The following ARHGEF10L variants were observed in gnomAD, a reference collection of about 807,000 sequenced individuals.
ARHGEF10L encodes Rho guanine nucleotide exchange factor 10 like.
Under a neutral mutation model 141.2 loss-of-function variants are expected in ARHGEF10L, and 69 were observed. That is an observed-to-expected ratio of 0.49 (90% confidence interval 0.40 to 0.60). The LOEUF is 0.60. ARHGEF10L is among the 20% of genes least tolerant of loss of function. The pLI is 0.00. For synonymous variants in ARHGEF10L, 711 were observed against 718.5 expected, an observed-to-expected ratio of 0.99 and a Z score of 0.17; for missense variants, 1,482 against 1,734.3, an observed-to-expected ratio of 0.85 and a Z score of 2.58.
chr1:17,588,532 G>C, intron 4 of ARHGEF10L, 53 bp downstream of exon 4: 1 of 1,611,006 alleles, frequency 6.2e-7, no homozygotes, highest in Non-Finnish European at 8.5e-7. Flanking sequence ...GAGACACCGG[G>C]CAGTGGGTGG....
chr1:17,686,902 C>T (rs1293398213), intron 26 of ARHGEF10L, among the ~76,000 whole-genome samples: 1 of 151,602 alleles, frequency 6.6e-6, no homozygotes, highest in East Asian at 1.9e-4. Context: ...CTCGTCCACA[C>T]TCCACATCTC....
At chr1:17,687,960 G>A (rs573209422) in intron 27 of ARHGEF10L, among the ~76,000 whole-genome samples, 26 of 152,312 alleles carry the variant, frequency 1.7e-4, no homozygotes, top group East Asian at 1.4e-3. Context: ...CCCAGCCACC[G>A]CATCACAGCA....
At chr1:17,684,378 A>G (rs1034063388) in intron 26 of ARHGEF10L, among the ~76,000 whole-genome samples, 1 of 152,194 alleles carries the variant, frequency 6.6e-6, no homozygotes, top group Non-Finnish European at 1.5e-5. Flanking sequence ...GCGGAGGGCT[A>G]GAGAGATGGG....
In ARHGEF10L at chr1:17,558,286, C is replaced by T. The variant is rs1196481433; in HGVS notation, c.-44+18336C>T. Among the ~76,000 whole-genome samples, 5 of 152,216 alleles carry T rather than the reference C, an allele frequency of 3.3e-5. No homozygotes were observed. Among genetic ancestry groups the T allele is most frequent in the Admixed American group, 6.5e-5 (1 of 15,280 alleles). ...TCATTCATCTATCCATCCACCCACC[C>T]GCCCATTTATTCACCCACTCATCCA... On this transcript the variant is annotated intron_variant, in intron 1 of 28. Coordinates refer to ENST00000361221, the MANE Select transcript of ARHGEF10L (RefSeq NM_018125.4). This position sits in a 1 kb window ranked among gnomAD's most constrained non-coding sequence, Gnocchi z 4.2.
intron 26 of ARHGEF10L, among the ~76,000 whole-genome samples, chr1:17,685,028 C>T (rs930954371): frequency 7.9e-5 from 12 of 152,166 alleles, no homozygotes; most frequent in Admixed American, 2.0e-4. Context: ...TGGAGACCCC[C>T]GCCCCTCACA....
At position 17,697,725 on chromosome 1, in the gene ARHGEF10L, C is replaced by A; in HGVS notation, c.*345C>A. The A allele has an allele frequency of 4.0e-6, 2 of 506,182 alleles. No individual in the cohort carries two copies. The highest frequency in any genetic ancestry group is 5.3e-5 in the East Asian group (1 of 18,744). 31.4% of individuals were successfully genotyped at this position (506,182 alleles called of 1,614,324 possible). The stretch of plus-strand genomic sequence containing the variant: ...CACGCCCCTCCTGGAAGGGTGTGTG[C>A]GTGTGAGTGTGTGCGAGTGTGTGGG... On this transcript the variant is annotated 3_prime_UTR_variant, in exon 29 of 29. Transcript: ENST00000361221. The surrounding 1 kb of genome is among the most constrained non-coding windows in gnomAD (Gnocchi z 4.8).
chr1:17,524,965 C>T, the ARHGEF10L span, among the ~76,000 whole-genome samples: 1 of 152,204 alleles, frequency 6.6e-6, no homozygotes, highest in South Asian at 2.1e-4. Flanking sequence ...CTCAGGCCTG[C>T]TCCCATTTTT....
chr1:17,681,014 C>T (rs1344746107), intron 26 of ARHGEF10L, among the ~76,000 whole-genome samples: 2 of 152,130 alleles, frequency 1.3e-5, no homozygotes, highest in Non-Finnish European at 2.9e-5. Context: ...CTCAAGTGAT[C>T]CACCCATCTT....
intron 2 of ARHGEF10L, among the ~76,000 whole-genome samples, chr1:17,581,382 G>A (rs949245124): frequency 3.3e-5 from 5 of 151,380 alleles, no homozygotes; most frequent in South Asian, 2.1e-4. Flanking sequence ...ATTATTCGTC[G>A]TTTATCTGAA....
intron 21 of ARHGEF10L, among the ~76,000 whole-genome samples, chr1:17,643,399 C>A (rs1456404424): frequency 1.3e-5 from 2 of 152,098 alleles, no homozygotes; most frequent in East Asian, 1.9e-4. Flanking sequence ...ATCTGGGGAC[C>A]CCGTTCAAAC....
At chr1:17,682,892 G>A (rs1394213615) in intron 26 of ARHGEF10L, among the ~76,000 whole-genome samples, 4 of 152,188 alleles carry the variant, frequency 2.6e-5, no homozygotes, top group Non-Finnish European at 4.4e-5. Context: ...TGGGATTGGG[G>A]TGCTGGGTGA....
intron 1 of ARHGEF10L, among the ~76,000 whole-genome samples, chr1:17,562,951 G>A (rs1477276609): frequency 6.6e-6 from 1 of 152,218 alleles, no homozygotes; most frequent in African/African-American, 2.4e-5. Context: ...ATCTGACCAG[G>A]GCAAGAGGGG....
At chr1:17,686,000 TAA>T in intron 26 of ARHGEF10L, among the ~76,000 whole-genome samples, 1 of 152,294 alleles carries the variant, frequency 6.6e-6, no homozygotes, top group East Asian at 1.9e-4. Context: ...GCTCCTGGAG[TAA>T]GCCTCAGGGT....
chr1:17,574,749 T>G (rs2078150302), intron 1 of ARHGEF10L, among the ~76,000 whole-genome samples: 1 of 152,198 alleles, frequency 6.6e-6, no homozygotes, highest in African/African-American at 2.4e-5. Flanking sequence ...CTCCACCAGG[T>G]GGCCCTTTGC....
chr1:17,665,638 C>T (rs1191076870), intron 26 of ARHGEF10L, among the ~76,000 whole-genome samples: 1 of 152,118 alleles, frequency 6.6e-6, no homozygotes, highest in East Asian at 1.9e-4. Flanking sequence ...CGTGGGAGCA[C>T]GAGGCTTCCA....
intron 4 of ARHGEF10L, among the ~76,000 whole-genome samples, chr1:17,594,466 C>T (rs911488730): frequency 8.5e-5 from 13 of 152,148 alleles, no homozygotes; most frequent in African/African-American, 3.1e-4. Flanking sequence ...GGCTTCTCTG[C>T]CTAACCCTCA....
intron 26 of ARHGEF10L, among the ~76,000 whole-genome samples, chr1:17,669,509 C>T (rs1339702199): frequency 6.6e-6 from 1 of 152,192 alleles, no homozygotes; most frequent in Non-Finnish European, 1.5e-5. Flanking sequence ...TGCCCAAGGT[C>T]ACACAGCTAG....
intron 25 of ARHGEF10L, among the ~76,000 whole-genome samples, chr1:17,657,470 G>T (rs2062340403): frequency 6.6e-6 from 1 of 152,138 alleles, no homozygotes; most frequent in Non-Finnish European, 1.5e-5. Context: ...AGTGTAGCCA[G>T]CCCCCAGTCC....
At chr1:17,523,720 G>C in the ARHGEF10L span, among the ~76,000 whole-genome samples, 4 of 152,290 alleles carry the variant, frequency 2.6e-5, no homozygotes, top group East Asian at 1.9e-4. Flanking sequence ...GCTACAGTGG[G>C]ACTTTTGAGC....
Sources: gnomAD v4.1 joint callset for allele counts (sites outside exome capture counted in the v4.1 genomes callset) on GRCh38, gnomAD v4.1.1 for gene constraint, Gnocchi (gnomAD v3.1) non-coding constraint, MANE v1.5 for transcripts, NCBI Gene and HGNC (gene_info 2026-07-23, HGNC 2026-07-21) for gene names.